LSAMP: variants seen among roughly 807,000 people sequenced by gnomAD.
LSAMP encodes the protein limbic system-associated membrane protein.
A neutral mutation model predicts 38.6 loss-of-function variants in LSAMP; 7 were observed. The ratio of observed to expected loss-of-function variants is 0.18; its 90% CI spans 0.10 to 0.34. The LOEUF (loss-of-function observed/expected upper bound fraction) is 0.34. Ranked by LOEUF, LSAMP falls within the 10% of genes least tolerant of loss-of-function variation. The pLI, the probability that LSAMP is intolerant of heterozygous loss-of-function variation, is 1.00. For synonymous variants in LSAMP, 154 were observed against 166.8 expected, an observed-to-expected ratio of 0.92 and a Z score of 0.59; for missense variants, 313 against 420.0, an observed-to-expected ratio of 0.75 and a Z score of 2.23.
At chr3:116,303,453 C>G (rs1210103384) in intron 1 of LSAMP, among the ~76,000 whole-genome samples, 1 of 152,120 alleles carries the variant, frequency 6.6e-6, no homozygotes, top group Non-Finnish European at 1.5e-5. Context: ...TAAGTAATCT[C>G]AAATAATTTT....
intron 3 of LSAMP, among the ~76,000 whole-genome samples, chr3:115,866,883 T>C (rs1308338964): frequency 6.6e-6 from 1 of 152,120 alleles, no homozygotes; most frequent in East Asian, 1.9e-4. Flanking sequence ...TTATACCTTT[T>C]ATCAGCTAAC....
intron 1 of LSAMP, among the ~76,000 whole-genome samples, chr3:116,148,897 T>A (rs930612837): frequency 5.9e-5 from 9 of 152,146 alleles, no homozygotes; most frequent in African/African-American, 1.4e-4. Flanking sequence ...CTCTCTGCTA[T>A]CTGCAATCAC....
chr3:116,369,463 C>T (rs1042530070), intron 1 of LSAMP, among the ~76,000 whole-genome samples: 13 of 152,016 alleles, frequency 8.6e-5, no homozygotes, highest in Admixed American at 2.0e-4. Flanking sequence ...TCTGGCAGGT[C>T]TATCAAAGAG....
intron 1 of LSAMP, among the ~76,000 whole-genome samples, chr3:116,164,761 T>TATATATCCATATATATATATATATA: frequency 2.4e-5 from 1 of 41,130 alleles, no homozygotes; most frequent in Non-Finnish European, 5.0e-5. Context: ...TATATATATA[T>TATATATCCATATATATATATATATA]TTTTTTTTTT....
At chr3:116,425,001 G>GAA (rs775969635) in intron 1 of LSAMP, among the ~76,000 whole-genome samples, 27 of 131,566 alleles carry the variant, frequency 2.1e-4, no homozygotes, top group African/African-American at 6.4e-4. Flanking sequence ...GTTGAAGAAG[G>GAA]AAAAAAAAAA....
chr3:116,218,583 G>A (rs2046247865), intron 1 of LSAMP, among the ~76,000 whole-genome samples: 1 of 152,142 alleles, frequency 6.6e-6, no homozygotes, highest in Non-Finnish European at 1.5e-5. Context: ...GGAGTTCACT[G>A]ATAACCTTAC....
chr3:116,328,910 G>A (rs1020905231), intron 1 of LSAMP, among the ~76,000 whole-genome samples: 11 of 152,188 alleles, frequency 7.2e-5, no homozygotes, highest in Admixed American at 4.6e-4. Flanking sequence ...TAGGACCATA[G>A]CTTGATGTAT....
At chr3:115,810,658 G>A (rs1933795805) in intron 6 of LSAMP, among the ~76,000 whole-genome samples, 1 of 152,182 alleles carries the variant, frequency 6.6e-6, no homozygotes, top group South Asian at 2.1e-4. Context: ...GCTTTTGCCG[G>A]GTAAGTCCTT....
intron 1 of LSAMP, among the ~76,000 whole-genome samples, chr3:116,324,683 T>C (rs2047746471): frequency 6.6e-6 from 1 of 152,172 alleles, no homozygotes; most frequent in Non-Finnish European, 1.5e-5. Flanking sequence ...TGGGTACCCA[T>C]AGCCTCTGTG....
intron 1 of LSAMP, among the ~76,000 whole-genome samples, chr3:116,123,613 C>A (rs1314048026): frequency 1.3e-5 from 2 of 152,132 alleles, no homozygotes; most frequent in Non-Finnish European, 2.9e-5. Flanking sequence ...CATTGTGAAT[C>A]AAAAATGTTT....
chr3:116,340,085 T>A (rs569042189), intron 1 of LSAMP, among the ~76,000 whole-genome samples: 4 of 152,196 alleles, frequency 2.6e-5, no homozygotes, highest in Admixed American at 2.0e-4. Context: ...GATTAGAGAA[T>A]TTGCCAGTTC....
intron 3 of LSAMP, among the ~76,000 whole-genome samples, chr3:116,014,409 AT>A (rs1413987930): frequency 1.3e-5 from 2 of 152,328 alleles, no homozygotes; most frequent in East Asian, 3.9e-4. Flanking sequence ...TAAAACCAAT[AT>A]ATAACTAAGA....
At chr3:116,333,783 C>T (rs1246135587) in intron 1 of LSAMP, among the ~76,000 whole-genome samples, 1 of 151,148 alleles carries the variant, frequency 6.6e-6, no homozygotes, top group Non-Finnish European at 1.5e-5. Flanking sequence ...AAAATTTATG[C>T]TACGAACACT....
At chr3:116,176,907 T>C (rs913648728) in intron 1 of LSAMP, among the ~76,000 whole-genome samples, 2 of 151,982 alleles carry the variant, frequency 1.3e-5, no homozygotes, top group Non-Finnish European at 2.9e-5. Context: ...TAGTATTAGG[T>C]TTCTATATCT....
chr3:115,867,668 G>T (rs778366475), intron 3 of LSAMP, among the ~76,000 whole-genome samples: 5 of 152,104 alleles, frequency 3.3e-5, no homozygotes, highest in Non-Finnish European at 5.9e-5. Context: ...AGAGCAGGAA[G>T]AAAATGCCAC....
chr3:116,338,437 C>T (rs996682849), intron 1 of LSAMP, among the ~76,000 whole-genome samples: 28 of 151,992 alleles, frequency 1.8e-4, no homozygotes, highest in African/African-American at 6.0e-4. Context: ...TCCCATTCCA[C>T]GTATGGATAG....
chr3:116,294,954 C>G (rs1348541172), intron 1 of LSAMP, among the ~76,000 whole-genome samples: 1 of 151,250 alleles, frequency 6.6e-6, no homozygotes, highest in Non-Finnish European at 1.5e-5. Context: ...TTCTTACAAT[C>G]TTTTCCCAAA....
chr3:116,220,350 GACACACACACACACACACACACAC>G (rs10575234), intron 1 of LSAMP, among the ~76,000 whole-genome samples: 4 of 138,506 alleles, frequency 2.9e-5, no homozygotes, highest in African/African-American at 5.4e-5. Flanking sequence ...ATTTGCATAT[GACACACACACACACACACACACAC>G]ACACACACAC....
rs1933728819 is a variant in LSAMP at position 115,809,262 on chromosome 3, A to G, written c.*1055T>C. ...ATAGTAGGCACTTTCATTTACAGTGATATTCTGAGTGACTCCCCACTCGGT... is the reference window on the plus strand; with the variant it reads ...ATAGTAGGCACTTTCATTTACAGTGGTATTCTGAGTGACTCCCCACTCGGT... On this transcript the variant is annotated 3_prime_UTR_variant, in exon 7 of 7. Coordinates refer to ENST00000490035, the MANE Select transcript of LSAMP (RefSeq NM_002338.5). 1.3e-5 allele frequency: 2 copies of G among 152,178 alleles called. No homozygotes were observed. Among genetic ancestry groups the G allele is most frequent in the African/African-American group, 4.8e-5 (2 of 41,430 alleles). The allele number at this position is 152,178 out of a possible 1,614,324, so 9.4% of individuals were successfully genotyped here.
Sources: gnomAD v4.1 joint callset for allele counts (sites outside exome capture counted in the v4.1 genomes callset) on GRCh38, gnomAD v4.1.1 for gene constraint, MANE v1.5 for transcripts, NCBI Gene and HGNC (gene_info 2026-07-23, HGNC 2026-07-21) for gene names.